The following RABGAP1L variants were observed in gnomAD, a reference collection of about 807,000 sequenced individuals.
RABGAP1L encodes rab GTPase-activating protein 1-like.
Under a neutral mutation model 137.7 loss-of-function variants are expected in RABGAP1L, and 63 were observed. The ratio of observed to expected loss-of-function variants is 0.46; its 90% CI spans 0.37 to 0.56. The LOEUF (loss-of-function observed/expected upper bound fraction) is 0.56, where lower values mean the gene tolerates loss of function less well. Ranked by LOEUF, RABGAP1L falls within the 20% of genes least tolerant of loss-of-function variation. RABGAP1L has a pLI of 0.00. For synonymous variants in RABGAP1L, 431 were observed against 433.7 expected (o/e 0.99, Z 0.08); for missense variants, 1,095 against 1,244.0 (o/e 0.88, Z 1.80).
At chr1:174,939,012 C>T (rs993974689) in intron 19 of RABGAP1L, among the ~76,000 whole-genome samples, 4 of 152,120 alleles carry the variant, frequency 2.6e-5, no homozygotes, top group African/African-American at 7.2e-5. Context: ...ATCTTAGGGT[C>T]TTTCCTTTAC....
At chr1:174,385,091 G>A (rs1315997735) in intron 12 of RABGAP1L, among the ~76,000 whole-genome samples, 1 of 152,156 alleles carries the variant, frequency 6.6e-6, no homozygotes, top group African/African-American at 2.4e-5. Context: ...AGTGAAAAAT[G>A]GATTATAAGG....
At chr1:174,523,162 A>C (rs1663576378) in intron 13 of RABGAP1L, among the ~76,000 whole-genome samples, 2 of 152,324 alleles carry the variant, frequency 1.3e-5, no homozygotes, top group South Asian at 2.1e-4. Context: ...CCAAGAAAGA[A>C]AGACTTACAA....
intron 1 of RABGAP1L, among the ~76,000 whole-genome samples, chr1:174,196,580 T>C (rs1445582691): frequency 6.7e-6 from 1 of 150,278 alleles, no homozygotes; most frequent in Non-Finnish European, 1.5e-5. Context: ...TTTTTCTTTT[T>C]TTTTTTTTTC....
intron 18 of RABGAP1L, among the ~76,000 whole-genome samples, chr1:174,763,545 G>C: frequency 6.7e-6 from 1 of 150,268 alleles, no homozygotes; most frequent in African/African-American, 2.4e-5. Context: ...CAGCTACTCG[G>C]GAGGCTGAGG....
chr1:174,683,443 A>T, intron 14 of RABGAP1L, 79 bp from the exon 15 acceptor site: 1 of 1,160,012 alleles, frequency 8.6e-7, no homozygotes, highest in South Asian at 1.4e-5. Flanking sequence ...AGGAACAAGC[A>T]GGAGCCTGGT....
At chr1:174,161,017 T>G (rs759010214) in intron 1 of RABGAP1L, among the ~76,000 whole-genome samples, 1 of 152,140 alleles carries the variant, frequency 6.6e-6, no homozygotes, top group Non-Finnish European at 1.5e-5. Flanking sequence ...TAGTTGAACT[T>G]TATGTATACA....
rs74875785 is a variant in RABGAP1L, at chr1:174,822,345, T to C, written c.2340+10385T>C. 2.0e-3 allele frequency among the ~76,000 whole-genome samples: 308 copies of C among 152,344 alleles called. 9 individuals carry two copies. The East Asian group carries it at 0.054, about 27-fold the overall frequency. On this transcript the variant is annotated intron_variant, in intron 19 of 25. Coordinates refer to ENST00000681986, the MANE Select transcript of RABGAP1L (RefSeq NM_001366446.1). ...TTGCCTTTGAGACTTCTATTAACACTCATAGTCTTCAGTGCACCTTAGATT... is the reference window on the plus strand; with the variant it reads ...TTGCCTTTGAGACTTCTATTAACACCCATAGTCTTCAGTGCACCTTAGATT...
intron 19 of RABGAP1L, chr1:174,935,590 A>C (rs1461147864): frequency 6.6e-6 from 1 of 152,196 alleles, no homozygotes; most frequent in Admixed American, 6.6e-5. Flanking sequence ...TGTGATTTCA[A>C]CATTTTTGTG....
chr1:174,213,743 A>G (rs191363182), intron 1 of RABGAP1L, among the ~76,000 whole-genome samples: 4 of 152,312 alleles, frequency 2.6e-5, no homozygotes, highest in African/African-American at 7.2e-5. Context: ...ATGATTTCAG[A>G]TGATGATTTC....
At chr1:174,595,899 T>G (rs1173495659) in intron 13 of RABGAP1L, among the ~76,000 whole-genome samples, 378 of 98,914 alleles carry the variant, frequency 3.8e-3, no homozygotes, top group Middle Eastern at 0.018. Flanking sequence ...CGAGCTTCCC[T>G]GCTGCTTTGT....
chr1:174,945,970 C>A (rs1666671123), intron 19 of RABGAP1L: 1 of 151,674 alleles, frequency 6.6e-6, no homozygotes, highest in African/African-American at 2.4e-5. Context: ...GCAGGCTTCT[C>A]CTAGAGTTAA....
At chr1:174,548,460 G>T (rs919294370) in intron 13 of RABGAP1L, 5 of 928,502 alleles carry the variant, frequency 5.4e-6, no homozygotes, top group Non-Finnish European at 1.3e-6. Context: ...CATATTATAT[G>T]CCTAAGATTG....
At chr1:174,709,487 C>T (rs957332695) in intron 17 of RABGAP1L, among the ~76,000 whole-genome samples, 1 of 152,184 alleles carries the variant, frequency 6.6e-6, no homozygotes, top group African/African-American at 2.4e-5. Context: ...GAACAGACAG[C>T]GATCTTTGCT....
intron 24 of RABGAP1L, among the ~76,000 whole-genome samples, chr1:174,986,558 A>G (rs547061983): frequency 5.4e-4 from 83 of 152,328 alleles, no homozygotes; most frequent in African/African-American, 1.9e-3. Flanking sequence ...GGTCTGCCAG[A>G]CTGCAGCTCT....
chr1:174,343,405 G>A (rs907741536), intron 11 of RABGAP1L, among the ~76,000 whole-genome samples: 1 of 152,040 alleles, frequency 6.6e-6, no homozygotes, highest in African/African-American at 2.4e-5. Context: ...TTCCTATTGT[G>A]TATCTGAGTA....
chr1:174,761,624 C>G lies in RABGAP1L; in HGVS notation c.2211+9270C>G, dbSNP rs988315759. ...CCAGGCAGAGGCACTCCTCACTTCCCAGACGGAGACAGTGTGGGGGCCGGA... is the reference window on the plus strand; with the variant it reads ...CCAGGCAGAGGCACTCCTCACTTCCGAGACGGAGACAGTGTGGGGGCCGGA... On this transcript the variant is annotated intron_variant, in intron 18 of 25. Coordinates refer to ENST00000681986, the MANE Select transcript of RABGAP1L (RefSeq NM_001366446.1). This position sits in a 1 kb window ranked among gnomAD's most constrained non-coding sequence, Gnocchi z 4.0. Among the ~76,000 whole-genome samples, 15 of 152,312 alleles carry G rather than the reference C, an allele frequency of 9.8e-5. No individual in the cohort carries two copies. The highest frequency in any genetic ancestry group is 3.4e-4 in the African/African-American group (14 of 41,572).
intron 13 of RABGAP1L, among the ~76,000 whole-genome samples, chr1:174,527,588 G>C (rs1311814048): frequency 6.6e-6 from 1 of 152,142 alleles, no homozygotes; most frequent in Admixed American, 6.5e-5. Flanking sequence ...TCCATGTGCT[G>C]ATGAAAATAA....
intron 19 of RABGAP1L, among the ~76,000 whole-genome samples, chr1:174,878,045 T>A (rs1358431583): frequency 6.6e-6 from 1 of 152,182 alleles, no homozygotes; most frequent in Non-Finnish European, 1.5e-5. Context: ...AAAATAACAG[T>A]ACAATTTTAG....
intron 18 of RABGAP1L, among the ~76,000 whole-genome samples, chr1:174,775,222 A>G (rs1324916114): frequency 6.6e-6 from 1 of 152,072 alleles, no homozygotes; most frequent in African/African-American, 2.4e-5. Context: ...CCATGGCCAC[A>G]CTTAGCTGCA....
Sources: allele counts gnomAD v4.1 joint callset (sites outside exome capture counted in the v4.1 genomes callset), GRCh38; gene constraint gnomAD v4.1.1; non-coding constraint Gnocchi (gnomAD v3.1); transcripts MANE v1.5; gene names NCBI Gene and HGNC (gene_info 2026-07-23, HGNC 2026-07-21).